Variants in COL15A1 observed in about 807,000 individuals in gnomAD.
COL15A1 encodes collagen type XV alpha 1 chain, also known as collagen alpha-1(XV) chain.
Under a neutral mutation model 165.9 loss-of-function variants are expected in COL15A1, and 111 were observed. The observed-to-expected ratio is 0.67, with a 90% CI of 0.57 to 0.78. The LOEUF (loss-of-function observed/expected upper bound fraction) is 0.78. Ranked by LOEUF, COL15A1 falls within the 30% of genes least tolerant of loss-of-function variation. The probability of loss-of-function intolerance (pLI) is 0.00; values close to 1 mark genes in which losing one functional copy is unlikely to be tolerated. For synonymous variants in COL15A1, 659 were observed against 674.8 expected (o/e 0.98, Z 0.36); for missense variants, 1,745 against 1,789.7 (o/e 0.98, Z 0.45).
chr9:98,955,142 C>G (rs1217929710), intron 2 of COL15A1, among the ~76,000 whole-genome samples: 1 of 152,214 alleles, frequency 6.6e-6, no homozygotes, highest in African/African-American at 2.4e-5. Flanking sequence ...GTCCAGACAC[C>G]AGCAGGTTTG....
chr9:98,953,189 G>C (rs1166169621), intron 2 of COL15A1, among the ~76,000 whole-genome samples: 1 of 152,232 alleles, frequency 6.6e-6, no homozygotes, highest in African/African-American at 2.4e-5. Flanking sequence ...CAGAGCATCA[G>C]ATTGTGGGGT....
At chr9:99,055,462 T>C in intron 34 of COL15A1, 90 bp downstream of exon 34, 1 of 773,556 alleles carries the variant, frequency 1.3e-6, no homozygotes, top group Non-Finnish European at 2.3e-6. Flanking sequence ...GGGCTAGTCA[T>C]TGTACTATAA....
rs781776556 is a variant in COL15A1, at chr9:98,994,475, T to C, written c.805-2459T>C. 1.5e-4 allele frequency among the ~76,000 whole-genome samples: 23 copies of C among 152,300 alleles called. 1 individual carries two copies. Among genetic ancestry groups the C allele is most frequent in the Middle Eastern group, 6.8e-3 (2 of 294 alleles). On this transcript the variant is annotated intron_variant, in intron 5 of 41. Transcript: ENST00000375001. ...GTCCACATCCTCTCCTTGGAGGCCATTATTTAGCTAAGCCCCCTCCTCGCA... is the reference window on the plus strand; with the variant it reads ...GTCCACATCCTCTCCTTGGAGGCCACTATTTAGCTAAGCCCCCTCCTCGCA...
rs745745681 is a variant in COL15A1 at position 98,989,205 on chromosome 9, G to A, written c.751G>A (p.Glu251Lys). 9 of 1,614,068 alleles carry A rather than the reference G, an allele frequency of 5.6e-6. No homozygotes were observed. The highest frequency in any genetic ancestry group is 6.8e-6 in the Non-Finnish European group (8 of 1,180,016). Residue 251 changes from glutamate to lysine, a missense_variant, in exon 5 of 42, where the codon GAG becomes AAG. Glu to Lys is a moderately conservative substitution (Grantham distance 56). Coordinates refer to ENST00000375001, the MANE Select transcript of COL15A1 (RefSeq NM_001855.5). ...ATCTGGAGAGACCAGTGGGCTGCAGGAGGCAGACGGAGTAGCTGAGATCTT... is the reference window on the plus strand; with the variant it reads ...ATCTGGAGAGACCAGTGGGCTGCAGAAGGCAGACGGAGTAGCTGAGATCTT... ...SASGETSGLQ[E>K]ADGVAEILEA...
At chr9:98,959,802 G>A (rs1372139417) in intron 2 of COL15A1, among the ~76,000 whole-genome samples, 1 of 152,126 alleles carries the variant, frequency 6.6e-6, no homozygotes, top group African/African-American at 2.4e-5. Flanking sequence ...CTAAAACACA[G>A]GTCCCATCAT....
intron 2 of COL15A1, among the ~76,000 whole-genome samples, chr9:98,974,153 G>T (rs1838104873): frequency 6.6e-6 from 1 of 152,188 alleles, no homozygotes; most frequent in Non-Finnish European, 1.5e-5. Flanking sequence ...GGTTGCCTCA[G>T]TTCAACATGA....
intron 4 of COL15A1, among the ~76,000 whole-genome samples, chr9:98,987,623 G>C (rs7022586): frequency 2.0e-4 from 31 of 152,270 alleles, no homozygotes; most frequent in Admixed American, 3.3e-4. Context: ...CTGCTTTCCC[G>C]CCTTCTTGCC....
At chr9:99,024,616 C>A (rs538216551) in intron 14 of COL15A1, among the ~76,000 whole-genome samples, 8 of 152,222 alleles carry the variant, frequency 5.3e-5, no homozygotes, top group African/African-American at 1.9e-4. Context: ...TTGTATTCAG[C>A]CTTTTGGGAG....
intron 9 of COL15A1, among the ~76,000 whole-genome samples, chr9:99,005,883 G>A (rs904495134): frequency 3.9e-5 from 6 of 152,124 alleles, no homozygotes; most frequent in African/African-American, 1.4e-4. Flanking sequence ...GCTTCCCATC[G>A]CCCTTCCCTG....
chr9:99,034,897 C>A, intron 17 of COL15A1, 117 bp from the exon 18 acceptor site: 1 of 990,294 alleles, frequency 1.0e-6, no homozygotes, highest in Non-Finnish European at 1.6e-6. Context: ...TGGTACCGAT[C>A]AGAGAATTCA....
intron 2 of COL15A1, among the ~76,000 whole-genome samples, chr9:98,948,091 G>A (rs920698810): frequency 1.3e-5 from 2 of 152,160 alleles, no homozygotes; most frequent in African/African-American, 4.8e-5. Flanking sequence ...ATTTCACATA[G>A]TTTAGTTCAA....
intron 2 of COL15A1, among the ~76,000 whole-genome samples, chr9:98,957,192 G>A (rs1056422088): frequency 2.6e-5 from 4 of 152,232 alleles, no homozygotes; most frequent in African/African-American, 9.6e-5. Context: ...GGGAGGCAGA[G>A]GAAATCAGAG....
chr9:99,062,263 A>G lies in COL15A1; in HGVS notation c.3550A>G (p.Ile1184Val). Residue 1184 changes from isoleucine (I) to valine (V), a missense_variant, in exon 38 of 42, where the codon ATT (isoleucine) becomes GTT (valine). Ile to Val is a conservative substitution (Grantham distance 29, BLOSUM62 3). Coordinates refer to ENST00000375001, the MANE Select transcript of COL15A1 (RefSeq NM_001855.5). ...CTTAAAGCTGGGAGAACTGATCCCC[A>G]TTCCTGCCGACAGCCCTCCACCCCC... ...KKLQLGELIPIPADSPPPPAL... is the reference protein window; with the variant it reads ...KKLQLGELIPVPADSPPPPAL... The G allele has an allele frequency of 2.5e-6, 4 of 1,613,830 alleles. No homozygotes were observed. The highest frequency in any genetic ancestry group is 3.4e-6 in the Non-Finnish European group (4 of 1,179,706).
At chr9:98,949,993 A>G (rs1380799898) in intron 2 of COL15A1, among the ~76,000 whole-genome samples, 1 of 152,120 alleles carries the variant, frequency 6.6e-6, no homozygotes, top group Non-Finnish European at 1.5e-5. Context: ...TTCATGGTTC[A>G]CTCATGTTGT....
intron 8 of COL15A1, among the ~76,000 whole-genome samples, chr9:99,004,073 C>G (rs144694297): frequency 1.0e-3 from 155 of 152,234 alleles, no homozygotes; most frequent in African/African-American, 3.6e-3. Context: ...GGGCAGCATA[C>G]CTGTGGGGTC....
At chr9:99,052,538 T>A in intron 31 of COL15A1, 105 bp downstream of exon 31, 1 of 917,796 alleles carries the variant, frequency 1.1e-6, no homozygotes, top group Non-Finnish European at 1.8e-6. Flanking sequence ...CAGGAAGGTC[T>A]AACTGGATGC....
intron 24 of COL15A1, among the ~76,000 whole-genome samples, chr9:99,043,002 T>C (rs941581569): frequency 6.6e-6 from 1 of 152,170 alleles, no homozygotes; most frequent in Non-Finnish European, 1.5e-5. Context: ...GGAAGAGATA[T>C]GCAAAGAGCT....
chr9:99,055,297 A>G lies in COL15A1; in HGVS notation c.3117A>G (p.Lys1039=). The change falls in exon 34 of 42, where the codon AAA becomes AAG. Residue 1039 remains lysine, a synonymous_variant. Coordinates refer to ENST00000375001, the MANE Select transcript of COL15A1 (RefSeq NM_001855.5). The part of the protein sequence containing the change: ...ENGDKGFKGE[K]GEKGDINGSF... ...GAGACAAGGGGTTCAAAGGTGAAAAAGGAGAAAAAGGAGACATTAATGGCA... is the reference window on the plus strand; with the variant it reads ...GAGACAAGGGGTTCAAAGGTGAAAAGGGAGAAAAAGGAGACATTAATGGCA... 6.2e-7 allele frequency: 1 copy of G among 1,613,594 alleles called. No homozygotes were observed. Among genetic ancestry groups the G allele is most frequent in the Non-Finnish European group, 8.5e-7 (1 of 1,179,502 alleles).
At chr9:98,989,314 A>G (rs1176741549) in intron 5 of COL15A1, 56 bp downstream of exon 5, 1 of 1,413,278 alleles carries the variant, frequency 7.1e-7, no homozygotes, top group Non-Finnish European at 9.9e-7. Flanking sequence ...CAGGCTGAGA[A>G]TTACTAGAGG....
Sources: allele counts gnomAD v4.1 joint callset (sites outside exome capture counted in the v4.1 genomes callset), GRCh38; gene constraint gnomAD v4.1.1; transcripts MANE v1.5; gene names NCBI Gene and HGNC (gene_info 2026-07-23, HGNC 2026-07-21).